Variants in COL4A5 observed in about 807,000 individuals in gnomAD.
The protein encoded by COL4A5 is collagen type IV alpha 5 chain, also known as collagen alpha-5(IV) chain.
Under a neutral mutation model 130.2 loss-of-function variants are expected in COL4A5, and 26 were observed. That is an observed-to-expected ratio of 0.20 (90% confidence interval 0.15 to 0.28). The LOEUF (loss-of-function observed/expected upper bound fraction) is 0.28, where lower values mean the gene tolerates loss of function less well. Among genes scored for constraint, COL4A5 ranks in the 10% least tolerant of loss-of-function variants. The pLI is 1.00. For synonymous variants in COL4A5, 496 were observed against 439.6 expected (o/e 1.13, Z -1.60); for missense variants, 1,131 against 1,344.3 (o/e 0.84, Z 2.48).
intron 43 of COL4A5, 77 bp downstream of exon 43, chrX:108,674,830 T>G (rs778253639): frequency 1.8e-4 from 189 of 1,051,879 alleles, no homozygotes; most frequent in Non-Finnish European, 2.3e-4. Context: ...AAATGCAATT[T>G]TTTGCTATAA....
intron 37 of COL4A5, among the ~76,000 whole-genome samples, chrX:108,661,794 A>C (rs1444988514): frequency 9.0e-6 from 1 of 111,540 alleles, no homozygotes; most frequent in Non-Finnish European, 1.9e-5. Flanking sequence ...ATTTTGTTAT[A>C]GCAGGGCTAT....
rs111421823 is a variant in COL4A5, at chrX:108,548,142, G to C, written c.141+8337G>C. On this transcript the variant is annotated intron_variant, in intron 2 of 52. Coordinates refer to ENST00000328300, the MANE Select transcript of COL4A5 (RefSeq NM_033380.3). The stretch of plus-strand genomic sequence containing the variant: ...TGCACCCACTGTCTGACAATCCCCA[G>C]TGAGGTGAACCTGGCACCTCAGTTG... Among the ~76,000 whole-genome samples, 674 of 111,737 alleles carry C rather than the reference G, an allele frequency of 6.0e-3. 2 individuals are homozygous for C. Among genetic ancestry groups the C allele is most frequent in the East Asian group, 0.036 (126 of 3,495 alleles).
intron 1 of COL4A5, among the ~76,000 whole-genome samples, chrX:108,505,957 A>C (rs1253580641): frequency 8.9e-6 from 1 of 112,307 alleles, no homozygotes; most frequent in African/African-American, 3.2e-5. Context: ...TCATCCTCTT[A>C]AAGTGAGTAA....
rs757935423 is a variant in COL4A5, at chrX:108,586,450, T to C, written c.1033-165T>C. Among the ~76,000 whole-genome samples, 4 of 111,839 alleles carry C rather than the reference T, an allele frequency of 3.6e-5. No individual in the cohort carries two copies. In the South Asian group the frequency reaches 1.5e-3, roughly 42 times the overall value. ...AACATGGTAATGTTGTTACTTGTATTGGACATTTTCTAATCAGTTGGAGGA... is the reference window on the plus strand; with the variant it reads ...AACATGGTAATGTTGTTACTTGTATCGGACATTTTCTAATCAGTTGGAGGA... On this transcript the variant is annotated intron_variant, in intron 18 of 52. Transcript: ENST00000328300.
intron 48 of COL4A5, among the ~76,000 whole-genome samples, chrX:108,686,708 C>T (rs931993895): frequency 3.0e-4 from 33 of 111,810 alleles, no homozygotes; most frequent in Admixed American, 1.1e-3. Flanking sequence ...AATACTTTAA[C>T]GTTAAGGTTT....
At chrX:108,585,100 C>T (rs1488191207) in intron 18 of COL4A5, among the ~76,000 whole-genome samples, 1 of 111,872 alleles carries the variant, frequency 8.9e-6, no homozygotes, top group Admixed American at 9.5e-5. Flanking sequence ...TTTGTGTTCA[C>T]TATGAAATTT....
rs1034919375 is a variant in COL4A5, at chrX:108,450,781, G to C, written c.81+10575G>C. Among the ~76,000 whole-genome samples the C allele has an allele frequency of 2.7e-5, 3 of 110,987 alleles. No individual in the cohort carries two copies. The East Asian group carries it at 8.4e-4, about 31-fold the overall frequency. On this transcript the variant is annotated intron_variant, in intron 1 of 52. Transcript: ENST00000328300. ...TGCATAGGGAAAAGATCCCTTCAAA[G>C]GGCAAGATAGATCGAGTTTAATGTA...
chrX:108,655,725 C>G (rs2067827870), intron 37 of COL4A5, among the ~76,000 whole-genome samples: 1 of 112,523 alleles, frequency 8.9e-6, no homozygotes, highest in African/African-American at 3.2e-5. Flanking sequence ...TGACTGCTAG[C>G]CACAAATCAC....
chrX:108,516,904 G>A (rs1158289624), intron 1 of COL4A5, among the ~76,000 whole-genome samples: 1 of 111,473 alleles, frequency 9.0e-6, no homozygotes, highest in Admixed American at 9.6e-5. Flanking sequence ...AGCCTACGGT[G>A]CTATTCTAAT....
intron 1 of COL4A5, among the ~76,000 whole-genome samples, chrX:108,474,758 G>T (rs1380969285): frequency 9.0e-6 from 1 of 111,221 alleles, no homozygotes; most frequent in East Asian, 2.8e-4. Flanking sequence ...TAATCCATTT[G>T]GGGTTGATTT....
chrX:108,585,941 G>A (rs988743804), intron 18 of COL4A5, among the ~76,000 whole-genome samples: 1 of 111,147 alleles, frequency 9.0e-6, no homozygotes, highest in African/African-American at 3.3e-5. Flanking sequence ...CATTACACAT[G>A]TTTGGAATGA....
At position 108,578,086 on chromosome X, in the gene COL4A5, G is replaced by A; in HGVS notation, c.654G>A (p.Met218Ile). 8.3e-7 allele frequency: 1 copy of A among 1,210,283 alleles called. No homozygotes were observed. The highest frequency in any genetic ancestry group is 1.1e-6 in the Non-Finnish European group (1 of 894,522). The change falls in exon 12 of 53, where the codon ATG becomes ATA. Residue 218 changes from methionine to isoleucine, a missense_variant. Coordinates refer to ENST00000328300, the MANE Select transcript of COL4A5 (RefSeq NM_033380.3). The stretch of plus-strand genomic sequence containing the variant: ...GAAACTTCTCTCTCCAGGGGAATAT[G>A]GGCTTAAATTTCCAGGGACCCAAAG... ...PPGLPGPKGN[M>I]GLNFQGPKGE...
rs1052008587 is a variant in COL4A5 at position 108,629,712 on chromosome X, G to A, written c.3246+3363G>A. ...AAGTTCCAGGGTACATGTGCACAAC[G>A]TGCAGGTTTGTTACATATGTATACA... On this transcript the variant is annotated intron_variant, in intron 36 of 52. Coordinates refer to ENST00000328300, the MANE Select transcript of COL4A5 (RefSeq NM_033380.3). Among the ~76,000 whole-genome samples the A allele has an allele frequency of 8.1e-5, 9 of 110,795 alleles. No homozygotes were observed. The East Asian group carries it at 2.3e-3, about 28-fold the overall frequency.
At chrX:108,690,881 A>G (rs1253554408) in intron 49 of COL4A5, among the ~76,000 whole-genome samples, 1 of 112,205 alleles carries the variant, frequency 8.9e-6, no homozygotes, top group East Asian at 2.8e-4. Flanking sequence ...TTGTAGCACT[A>G]TTCACAATAG....
At chrX:108,669,608 A>G (rs1378566447) in intron 41 of COL4A5, among the ~76,000 whole-genome samples, 2 of 112,299 alleles carry the variant, frequency 1.8e-5, no homozygotes, top group African/African-American at 6.5e-5. Flanking sequence ...CATGTAATGT[A>G]AAGAACTGAA....
intron 10 of COL4A5, 61 bp from the exon 11 acceptor site, chrX:108,577,891 A>T (rs2066179342): frequency 1.0e-6 from 1 of 955,529 alleles, no homozygotes; most frequent in Non-Finnish European, 1.4e-6. Context: ...GAAACTAAAT[A>T]ACTTTTAAAA....
At chrX:108,502,296 T>G (rs781578631) in intron 1 of COL4A5, among the ~76,000 whole-genome samples, 2 of 111,074 alleles carry the variant, frequency 1.8e-5, no homozygotes, top group Non-Finnish European at 3.8e-5. Context: ...TTTGTTTTGT[T>G]TTTTTGGAGA....
intron 1 of COL4A5, among the ~76,000 whole-genome samples, chrX:108,520,382 A>C (rs147666839): frequency 9.0e-6 from 1 of 111,569 alleles, no homozygotes. Context: ...TTCATGAGGC[A>C]TTGTATTATA....
chrX:108,557,393 AAAC>A (rs1262368025), intron 2 of COL4A5, among the ~76,000 whole-genome samples: 1 of 111,948 alleles, frequency 8.9e-6, no homozygotes, highest in Non-Finnish European at 1.9e-5. Flanking sequence ...ACACTAATTA[AAAC>A]AACAAGGGGA....
Sources: gnomAD v4.1 joint callset for allele counts (sites outside exome capture counted in the v4.1 genomes callset) on GRCh38, gnomAD v4.1.1 for gene constraint, MANE v1.5 for transcripts, NCBI Gene and HGNC (gene_info 2026-07-23, HGNC 2026-07-21) for gene names.